The following ZYG11B variants were observed in gnomAD, a reference collection of about 807,000 sequenced individuals.
ZYG11B encodes zyg-11 family member B, cell cycle regulator, also known as protein zyg-11 homolog B.
In ZYG11B, 36 loss-of-function variants were observed where a neutral mutation model predicts 82.4. The observed-to-expected ratio is 0.44, with a 90% confidence interval of 0.33 to 0.58. ZYG11B has a LOEUF of 0.58. Among genes scored for constraint, ZYG11B ranks in the 20% least tolerant of loss-of-function variants. The probability of loss-of-function intolerance (pLI) is 0.02; values close to 1 mark genes in which losing one functional copy is unlikely to be tolerated. For synonymous variants in ZYG11B, 303 were observed against 312.8 expected (o/e 0.97, Z 0.33); for missense variants, 552 against 895.6 (o/e 0.62, Z 4.90).
intron 6 of ZYG11B, among the ~76,000 whole-genome samples, chr1:52,792,589 AT>A (rs1558135578): frequency 6.6e-6 from 1 of 152,204 alleles, no homozygotes; most frequent in Non-Finnish European, 1.5e-5. Context: ...CAGAGTCTAG[AT>A]TTAAATTCAG....
At chr1:52,767,216 GTTATT>G (rs1406464569) in intron 2 of ZYG11B, among the ~76,000 whole-genome samples, 12 of 148,526 alleles carry the variant, frequency 8.1e-5, no homozygotes, top group African/African-American at 2.2e-4. Context: ...GTTATTTTAT[GTTATT>G]TTATTTTGTT....
intron 8 of ZYG11B, among the ~76,000 whole-genome samples, chr1:52,797,470 TTA>T (rs1423188480): frequency 8.7e-6 from 1 of 115,274 alleles, no homozygotes; most frequent in African/African-American, 3.4e-5. Context: ...GATATATATA[TTA>T]TATATGATAT....
chr1:52,796,981 TATA>T (rs1645017906), intron 8 of ZYG11B, among the ~76,000 whole-genome samples, 197 bp downstream of exon 8: 2 of 68,432 alleles, frequency 2.9e-5, no homozygotes, highest in East Asian at 6.3e-4. Context: ...TATATAAATA[TATA>T]TATTTTTTAT....
chr1:52,780,119 G>A, intron 4 of ZYG11B, 126 bp downstream of exon 4: 1 of 894,702 alleles, frequency 1.1e-6, no homozygotes, highest in Non-Finnish European at 1.7e-6. Flanking sequence ...TTGATGACGT[G>A]TGATTTCAAT....
At chr1:52,772,589 G>C in intron 3 of ZYG11B, 1 of 1,514,206 alleles carries the variant, frequency 6.6e-7, no homozygotes. Flanking sequence ...TGGGGAAGCT[G>C]CGTCGATAGG....
intron 8 of ZYG11B, among the ~76,000 whole-genome samples, chr1:52,798,236 T>A (rs1386949822): frequency 1.3e-5 from 2 of 151,982 alleles, no homozygotes; most frequent in African/African-American, 4.8e-5. Context: ...GACCTAGGAG[T>A]CAGATGACCT....
At chr1:52,772,191 A>G (rs1174579882) in intron 3 of ZYG11B, 4 of 1,470,744 alleles carry the variant, frequency 2.7e-6, no homozygotes, top group Non-Finnish European at 2.9e-6. Flanking sequence ...TACACAGACA[A>G]ATTTATGCGA....
chr1:52,796,215 A>C (rs1645005104), intron 6 of ZYG11B, 77 bp from the exon 7 acceptor site: 1 of 1,044,136 alleles, frequency 9.6e-7, no homozygotes, highest in Non-Finnish European at 1.5e-6. Context: ...AAGTTGTAGC[A>C]TCAGTTCCTA....
chr1:52,797,166 T>C (rs1359799797), intron 8 of ZYG11B, among the ~76,000 whole-genome samples: 1 of 69,452 alleles, frequency 1.4e-5, no homozygotes, highest in Non-Finnish European at 2.2e-5. Flanking sequence ...TTATATATTA[T>C]ATATTATATA....
chr1:52,781,912 A>G (rs1644859862), intron 4 of ZYG11B, among the ~76,000 whole-genome samples: 1 of 151,622 alleles, frequency 6.6e-6, no homozygotes, highest in Non-Finnish European at 1.5e-5. Flanking sequence ...GGATGTTGGC[A>G]CTTGGTATAT....
At position 52,797,179 on chromosome 1, in the gene ZYG11B, T is replaced by TATATTATATATTATATAA. The variant is rs1403793913; in HGVS notation, c.1485+395_1485+396insATATTATATATTATATAA. ...ATTTATATATTATATATTATATATA[T>TATATTATATATTATATAA]TTATATATTATATATAAATTATTTA... is the stretch of plus-strand genomic sequence containing the variant. On this transcript the variant is annotated intron_variant, in intron 8 of 13. Coordinates refer to ENST00000294353, the MANE Select transcript of ZYG11B (RefSeq NM_024646.3). Among the ~76,000 whole-genome samples, 5 of 81,154 alleles carry TATATTATATATTATATAA rather than the reference T, an allele frequency of 6.2e-5. 1 individual carries two copies. Among genetic ancestry groups the TATATTATATATTATATAA allele is most frequent in the African/African-American group, 2.7e-4 (5 of 18,552 alleles). 53.2% of individuals were successfully genotyped at this position (81,154 alleles called of 152,430 possible). A position where few individuals can be genotyped will look rare whatever the true frequency, so the allele number is the denominator to read the frequency against.
At chr1:52,786,820 G>A (rs1644917021) in intron 5 of ZYG11B, among the ~76,000 whole-genome samples, 1 of 152,138 alleles carries the variant, frequency 6.6e-6, no homozygotes, top group African/African-American at 2.4e-5. Flanking sequence ...GCCGGGCGTT[G>A]TGGCTCACAC....
chr1:52,763,748 A>G (rs547379576), intron 2 of ZYG11B, among the ~76,000 whole-genome samples: 55 of 152,342 alleles, frequency 3.6e-4, no homozygotes, highest in Admixed American at 1.3e-4. Flanking sequence ...AAATATGGGC[A>G]TAAGAGCTAG....
intron 5 of ZYG11B, among the ~76,000 whole-genome samples, chr1:52,786,450 A>G (rs143504392): frequency 6.6e-6 from 1 of 152,302 alleles, no homozygotes; most frequent in East Asian, 1.9e-4. Context: ...ATATTTTTAA[A>G]AACAATGTTC....
At chr1:52,764,423 C>T (rs1401133799) in intron 2 of ZYG11B, among the ~76,000 whole-genome samples, 3 of 151,934 alleles carry the variant, frequency 2.0e-5, no homozygotes, top group Non-Finnish European at 2.9e-5. Flanking sequence ...GTGTAATTTA[C>T]CACACCCAGC....
At chr1:52,736,296 T>C (rs1319203766) in intron 1 of ZYG11B, among the ~76,000 whole-genome samples, 2 of 139,900 alleles carry the variant, frequency 1.4e-5, no homozygotes, top group African/African-American at 5.3e-5. Flanking sequence ...TATTTATTTA[T>C]TGAGACAGAG....
At chr1:52,762,747 A>G (rs1644643045) in intron 2 of ZYG11B, among the ~76,000 whole-genome samples, 1 of 151,196 alleles carries the variant, frequency 6.6e-6, no homozygotes, top group Non-Finnish European at 1.5e-5. Flanking sequence ...ATGTCCAGCT[A>G]ATTTTTGTAT....
chr1:52,739,112 G>A (rs1216447578), intron 1 of ZYG11B, among the ~76,000 whole-genome samples: 1 of 149,076 alleles, frequency 6.7e-6, no homozygotes, highest in Non-Finnish European at 1.5e-5. Context: ...CTCAGCCCCC[G>A]AGTGGTTGGG....
chr1:52,744,702 C>G (rs934870276), intron 1 of ZYG11B, among the ~76,000 whole-genome samples: 1 of 152,122 alleles, frequency 6.6e-6, no homozygotes, highest in African/African-American at 2.4e-5. Context: ...GTTAGCCGGG[C>G]ATGGTGGCAC....
Sources: allele counts gnomAD v4.1 joint callset (sites outside exome capture counted in the v4.1 genomes callset), GRCh38; gene constraint gnomAD v4.1.1; transcripts MANE v1.5; gene names NCBI Gene and HGNC (gene_info 2026-07-23, HGNC 2026-07-21).